TBC1D1: variants seen among roughly 807,000 people sequenced by gnomAD.
TBC1D1 encodes TBC1 (tre-2/USP6, BUB2, cdc16) domain family, member 1.
TBC1D1 carries 89 observed loss-of-function variants against 125.6 expected under a neutral mutation model. The ratio of observed to expected loss-of-function variants is 0.71; its 90% CI spans 0.60 to 0.85. TBC1D1 has a LOEUF of 0.85. Ranked by LOEUF, TBC1D1 falls within the 40% of genes least tolerant of loss-of-function variation. The probability of loss-of-function intolerance (pLI) is 0.00; values close to 1 mark genes in which losing one functional copy is unlikely to be tolerated. For synonymous variants in TBC1D1, 565 were observed against 564.1 expected, an observed-to-expected ratio of 1.00 and a Z score of -0.02; for missense variants, 1,377 against 1,469.2, an observed-to-expected ratio of 0.94 and a Z score of 1.03.
In TBC1D1 at chr4:38,014,617, CTCT is replaced by C; in HGVS notation, c.530_532del (p.Phe177del). ...CACGTTTTCCAAGAAGTTCGAGGTG[CTCT>C]TCTGCGGCCGCGTGACGGTGGCGCA... On this transcript the variant is annotated inframe_deletion, in exon 3 of 20. Transcript: ENST00000261439. This position sits in a 1 kb window ranked among gnomAD's most constrained non-coding sequence, Gnocchi z 5.1. The C allele has an allele frequency of 6.2e-7, 1 of 1,613,448 alleles. No individual in the cohort carries two copies. The highest frequency in any genetic ancestry group is 8.5e-7 in the Non-Finnish European group (1 of 1,180,044).
chr4:37,915,598 CTGCTAA>C (rs1477073162), intron 2 of TBC1D1, among the ~76,000 whole-genome samples: 1 of 152,192 alleles, frequency 6.6e-6, no homozygotes, highest in Non-Finnish European at 1.5e-5. Context: ...TTTACTCAGC[CTGCTAA>C]TGCTAATCTC....
At chr4:38,098,397 A>C (rs1187980437) in intron 14 of TBC1D1, among the ~76,000 whole-genome samples, 1 of 152,182 alleles carries the variant, frequency 6.6e-6, no homozygotes, top group Non-Finnish European at 1.5e-5. Flanking sequence ...GCTATTCCAA[A>C]TATTTGAGCT....
intron 17 of TBC1D1, among the ~76,000 whole-genome samples, chr4:38,121,887 TA>T (rs1429622714): frequency 2.0e-5 from 3 of 152,286 alleles, no homozygotes; most frequent in African/African-American, 7.2e-5. Context: ...ACAAATGCTT[TA>T]AAGGATGAAG....
chr4:37,931,581 G>A (rs531229216), intron 2 of TBC1D1, among the ~76,000 whole-genome samples: 4 of 151,762 alleles, frequency 2.6e-5, no homozygotes, highest in South Asian at 4.2e-4. Context: ...GGGTTCAAGC[G>A]ATTCTCCTGC....
At chr4:38,100,790 AC>A (rs961148656) in intron 14 of TBC1D1, among the ~76,000 whole-genome samples, 3 of 152,230 alleles carry the variant, frequency 2.0e-5, no homozygotes, top group African/African-American at 7.2e-5. Flanking sequence ...GCCCAGTGAG[AC>A]TTTTGAATCT....
At chr4:37,976,505 A>G (rs148031450) in intron 2 of TBC1D1, among the ~76,000 whole-genome samples, 1 of 152,256 alleles carries the variant, frequency 6.6e-6, no homozygotes, top group African/African-American at 2.4e-5. Flanking sequence ...AAATGTCCCA[A>G]TGGTCCTTCA....
intron 14 of TBC1D1, among the ~76,000 whole-genome samples, chr4:38,101,308 G>A (rs1760288921): frequency 6.6e-6 from 1 of 152,154 alleles, no homozygotes; most frequent in Non-Finnish European, 1.5e-5. Context: ...TAACTTGGAG[G>A]CTTCCTTTCT....
At chr4:37,953,424 C>T (rs913394969) in intron 2 of TBC1D1, among the ~76,000 whole-genome samples, 1 of 152,198 alleles carries the variant, frequency 6.6e-6, no homozygotes, top group Non-Finnish European at 1.5e-5. Context: ...TAGAATCCTG[C>T]TCCTGTAGTT....
chr4:38,107,127 G>C (rs1761442638), intron 15 of TBC1D1, among the ~76,000 whole-genome samples: 2 of 152,198 alleles, frequency 1.3e-5, no homozygotes, highest in Non-Finnish European at 2.9e-5. Flanking sequence ...GGTCACCTCT[G>C]TGTCTCTCTC....
At chr4:38,029,351 A>C (rs529486637) in intron 7 of TBC1D1, among the ~76,000 whole-genome samples, 1 of 152,194 alleles carries the variant, frequency 6.6e-6, no homozygotes, top group East Asian at 1.9e-4. Flanking sequence ...AAAAAAATGA[A>C]AGGATTGTCT....
chr4:38,064,780 T>C (rs1753394945), intron 12 of TBC1D1, among the ~76,000 whole-genome samples: 1 of 147,224 alleles, frequency 6.8e-6, no homozygotes, highest in South Asian at 2.2e-4. Context: ...TGCGCTGCCA[T>C]GCCCGGCTAA....
chr4:37,966,484 A>G (rs1278569014), intron 2 of TBC1D1, among the ~76,000 whole-genome samples: 1 of 152,202 alleles, frequency 6.6e-6, no homozygotes, highest in Non-Finnish European at 1.5e-5. Context: ...TTTCCTTCTT[A>G]TATTTTCTCA....
chr4:38,092,522 G>A (rs565116773), intron 13 of TBC1D1, among the ~76,000 whole-genome samples: 2 of 152,230 alleles, frequency 1.3e-5, no homozygotes, highest in East Asian at 1.9e-4. Context: ...CCTGAGGTCA[G>A]GGGTTCGAGA....
intron 2 of TBC1D1, among the ~76,000 whole-genome samples, chr4:37,946,444 A>G (rs1726711938): frequency 6.6e-6 from 1 of 152,268 alleles, no homozygotes; most frequent in African/African-American, 2.4e-5. Flanking sequence ...TCCGTCTCCC[A>G]TAAATATGTA....
At chr4:37,961,945 A>G (rs957486387) in intron 2 of TBC1D1, among the ~76,000 whole-genome samples, 1 of 152,220 alleles carries the variant, frequency 6.6e-6, no homozygotes, top group Admixed American at 6.5e-5. Flanking sequence ...GCTCCACTCC[A>G]TTTTGATTTT....
At chr4:37,976,663 A>T (rs1431441236) in intron 2 of TBC1D1, among the ~76,000 whole-genome samples, 1 of 151,170 alleles carries the variant, frequency 6.6e-6, no homozygotes, top group Non-Finnish European at 1.5e-5. Flanking sequence ...TTTTTTTTTC[A>T]ACGTGGAACT....
intron 12 of TBC1D1, among the ~76,000 whole-genome samples, chr4:38,074,042 C>A (rs1453502067): frequency 1.3e-5 from 2 of 152,164 alleles, no homozygotes; most frequent in African/African-American, 4.8e-5. Context: ...TGGTAGTTTG[C>A]ACAATTGCTT....
chr4:38,098,571 T>G (rs549388794), intron 14 of TBC1D1, among the ~76,000 whole-genome samples: 1 of 152,370 alleles, frequency 6.6e-6, no homozygotes, highest in African/African-American at 2.4e-5. Context: ...AATTTCCTTA[T>G]GTGTTGCCTG....
At chr4:37,911,588 G>C (rs948585998) in intron 2 of TBC1D1, among the ~76,000 whole-genome samples, 1 of 152,104 alleles carries the variant, frequency 6.6e-6, no homozygotes, top group African/African-American at 2.4e-5. Flanking sequence ...CTTTTATTCT[G>C]ACCATGCATT....
Sources: allele counts gnomAD v4.1 joint callset (sites outside exome capture counted in the v4.1 genomes callset), GRCh38; gene constraint gnomAD v4.1.1; non-coding constraint Gnocchi (gnomAD v3.1); transcripts MANE v1.5; gene names NCBI Gene and HGNC (gene_info 2026-07-23, HGNC 2026-07-21).